PTPRT: variants seen among roughly 807,000 people sequenced by gnomAD.
PTPRT encodes the protein protein tyrosine phosphatase receptor type T.
Under a neutral mutation model 176.8 loss-of-function variants are expected in PTPRT, and 56 were observed. The ratio of observed to expected loss-of-function variants is 0.32; its 90% CI spans 0.26 to 0.40. PTPRT has a LOEUF of 0.40. Among genes scored for constraint, PTPRT ranks in the 10% least tolerant of loss-of-function variants. The pLI is 1.00. For synonymous variants in PTPRT, 783 were observed against 739.0 expected (o/e 1.06, Z -0.96); for missense variants, 1,540 against 1,908.2 (o/e 0.81, Z 3.60).
intron 2 of PTPRT, among the ~76,000 whole-genome samples, chr20:42,851,608 T>G (rs1214008860): frequency 6.6e-6 from 1 of 152,210 alleles, no homozygotes; most frequent in African/African-American, 2.4e-5. Context: ...TCAGCTCAAG[T>G]TCCTGCTCTC....
intron 7 of PTPRT, among the ~76,000 whole-genome samples, chr20:42,669,497 T>A (rs2075377357): frequency 6.6e-6 from 1 of 152,178 alleles, no homozygotes. Context: ...AGATGGAGGT[T>A]AGATGTCTGT....
At chr20:42,815,991 G>C (rs904833850) in intron 2 of PTPRT, among the ~76,000 whole-genome samples, 1 of 151,962 alleles carries the variant, frequency 6.6e-6, no homozygotes, top group Non-Finnish European at 1.5e-5. Flanking sequence ...TAATATCAGG[G>C]TTATGAACAT....
At chr20:42,584,257 T>G (rs540677960) in intron 7 of PTPRT, among the ~76,000 whole-genome samples, 6 of 152,296 alleles carry the variant, frequency 3.9e-5, no homozygotes, top group Non-Finnish European at 7.4e-5. Context: ...GCCACAATCC[T>G]CACAATGGCC....
intron 6 of PTPRT, among the ~76,000 whole-genome samples, chr20:42,697,340 A>G (rs1310667364): frequency 6.6e-6 from 1 of 152,256 alleles, no homozygotes; most frequent in Non-Finnish European, 1.5e-5. Context: ...AAGTGTGTCC[A>G]AACATTTGGT....
rs185495598 is a variant in PTPRT, at chr20:42,794,674, T to G, written c.215-3208A>C. ...AAGTAAAAAGGGAATAAACTATTAT[T>G]CAGCTACAAGTCCCTTTATTTAAGG... On this transcript the variant is annotated intron_variant, in intron 2 of 30. Coordinates refer to ENST00000373187, the MANE Select transcript of PTPRT (RefSeq NM_007050.6). Among the ~76,000 whole-genome samples the G allele has an allele frequency of 1.6e-4, 25 of 152,310 alleles. No homozygotes were observed. In the East Asian group the frequency reaches 3.1e-3, roughly 19 times the overall value.
intron 2 of PTPRT, among the ~76,000 whole-genome samples, chr20:42,867,683 CTTTTTTT>C (rs5841476): frequency 8.8e-6 from 1 of 113,404 alleles, no homozygotes; most frequent in African/African-American, 3.7e-5. Flanking sequence ...TACATATGGC[CTTTTTTT>C]TTTTTTTTTT....
intron 1 of PTPRT, among the ~76,000 whole-genome samples, chr20:43,188,758 G>GGGT (rs1555845671): frequency 1.3e-5 from 2 of 149,564 alleles, no homozygotes; most frequent in Non-Finnish European, 3.0e-5. Context: ...TTGGGGGGGG[G>GGGT]GGGGCTCGGG....
intron 7 of PTPRT, among the ~76,000 whole-genome samples, chr20:42,621,720 T>C (rs1465978160): frequency 6.6e-6 from 1 of 152,224 alleles, no homozygotes; most frequent in Non-Finnish European, 1.5e-5. Flanking sequence ...TCTGATCTCA[T>C]CTAGTACTAT....
rs1252605639 is a variant in PTPRT at position 43,057,709 on chromosome 20, A to G, written c.88+131937T>C. 2.6e-5 allele frequency among the ~76,000 whole-genome samples: 4 copies of G among 152,238 alleles called. 1 individual carries two copies. The South Asian group carries it at 8.3e-4, about 32-fold the overall frequency. ...TCAAAATAAAAACTTAGAATTCTTT[A>G]AAGTGATGGCAAAGGCCCTGGACCA... On this transcript the variant is annotated intron_variant, in intron 1 of 30. Coordinates refer to ENST00000373187, the MANE Select transcript of PTPRT (RefSeq NM_007050.6).
chr20:42,193,494 A>G (rs890209795), intron 16 of PTPRT, among the ~76,000 whole-genome samples: 1 of 152,230 alleles, frequency 6.6e-6, no homozygotes, highest in African/African-American at 2.4e-5. Flanking sequence ...AGGAACACTG[A>G]TTTAGGAGTC....
chr20:43,088,105 T>C (rs1568777206), intron 1 of PTPRT, among the ~76,000 whole-genome samples: 1 of 152,190 alleles, frequency 6.6e-6, no homozygotes, highest in Non-Finnish European at 1.5e-5. Context: ...ATCCAACCAC[T>C]ACACATTATA....
At chr20:42,035,726 C>G in the PTPRT span, among the ~76,000 whole-genome samples, 19,878 of 152,110 alleles carry the variant, frequency 0.13, 3,168 homozygotes, top group African/African-American at 0.38. Context: ...TGGCAGAGTG[C>G]CTGGTACAAA....
At chr20:42,408,559 A>G (rs2058982756) in intron 9 of PTPRT, among the ~76,000 whole-genome samples, 1 of 151,954 alleles carries the variant, frequency 6.6e-6, no homozygotes, top group Non-Finnish European at 1.5e-5. Flanking sequence ...CAAAACAACT[A>G]ACCTTTAGAT....
At chr20:42,301,904 G>A (rs2057474391) in intron 12 of PTPRT, among the ~76,000 whole-genome samples, 1 of 152,040 alleles carries the variant, frequency 6.6e-6, no homozygotes, top group Admixed American at 6.6e-5. Flanking sequence ...GCTGAGTGAC[G>A]GGCACATACA....
At chr20:42,342,311 A>G (rs1034427175) in intron 11 of PTPRT, among the ~76,000 whole-genome samples, 1 of 152,086 alleles carries the variant, frequency 6.6e-6, no homozygotes, top group African/African-American at 2.4e-5. Context: ...GGCTTCTCCT[A>G]TTTCCCAATC....
intron 1 of PTPRT, among the ~76,000 whole-genome samples, chr20:43,108,710 T>G (rs1434992668): frequency 1.3e-5 from 2 of 152,116 alleles, no homozygotes; most frequent in East Asian, 3.9e-4. Flanking sequence ...AGGGTTGGCG[T>G]GGGGGATAGA....
intron 7 of PTPRT, among the ~76,000 whole-genome samples, chr20:42,488,220 T>C (rs1306149069): frequency 6.6e-6 from 1 of 152,226 alleles, no homozygotes; most frequent in Non-Finnish European, 1.5e-5. Flanking sequence ...CTCAGGTGTC[T>C]CCTTCTAGAT....
intron 1 of PTPRT, among the ~76,000 whole-genome samples, chr20:43,051,764 C>G (rs1169806743): frequency 8.6e-5 from 13 of 150,958 alleles, no homozygotes; most frequent in Admixed American, 8.6e-4. Flanking sequence ...ATATTTTACT[C>G]AAAAATTCAG....
intron 1 of PTPRT, among the ~76,000 whole-genome samples, chr20:43,120,651 G>T (rs1405630223): frequency 6.6e-6 from 1 of 152,188 alleles, no homozygotes; most frequent in African/African-American, 2.4e-5. Context: ...GTGTGTGCAT[G>T]TTGCTGCACG....
Sources: allele counts gnomAD v4.1 joint callset (sites outside exome capture counted in the v4.1 genomes callset), GRCh38; gene constraint gnomAD v4.1.1; transcripts MANE v1.5; gene names NCBI Gene and HGNC (gene_info 2026-07-23, HGNC 2026-07-21).